ADARB2: variants seen among roughly 807,000 people sequenced by gnomAD.
ADARB2 encodes adenosine deaminase RNA specific B2 (inactive).
A neutral mutation model predicts 62.2 loss-of-function variants in ADARB2; 25 were observed. The observed-to-expected ratio is 0.40, with a 90% confidence interval of 0.29 to 0.56. ADARB2 has a LOEUF of 0.56. ADARB2 is among the 20% of genes least tolerant of loss of function. The probability of loss-of-function intolerance (pLI) is 0.43; values close to 1 mark genes in which losing one functional copy is unlikely to be tolerated. For synonymous variants in ADARB2, 572 were observed against 500.8 expected (o/e 1.14, Z -1.90); for missense variants, 1,071 against 1,077.4 (o/e 0.99, Z 0.08).
chr10:1,280,743 T>TGCTCCGTGAAATTCCTAAGTGAC (rs1195809302), intron 3 of ADARB2, among the ~76,000 whole-genome samples: 1 of 152,024 alleles, frequency 6.6e-6, no homozygotes, highest in Non-Finnish European at 1.5e-5. Context: ...TCCTAAGTGA[T>TGCTCCGTGAAATTCCTAAGTGAC]GCTCCGTGAA....
In ADARB2 at chr10:1,522,958, T is replaced by C. The variant is rs886293340; in HGVS notation, c.101-143798A>G. Among the ~76,000 whole-genome samples the C allele has an allele frequency of 1.7e-4, 26 of 152,148 alleles. 1 individual carries two copies. On this transcript the variant is annotated intron_variant, in intron 1 of 9. Transcript: ENST00000381312. ...CACCAGTGCGAGGATCACAATGTTA[T>C]TGCTTATAAAGCCCTTAAGCTCTCT... is the stretch of plus-strand genomic sequence containing the variant.
intron 7 of ADARB2, among the ~76,000 whole-genome samples, chr10:1,213,363 G>A (rs1330277036): frequency 6.6e-6 from 1 of 152,048 alleles, no homozygotes; most frequent in East Asian, 1.9e-4. Context: ...GGAGGGAGAA[G>A]AGATGATGGG....
chr10:1,310,088 CAA>C (rs1413407147), intron 3 of ADARB2, among the ~76,000 whole-genome samples: 2 of 152,186 alleles, frequency 1.3e-5, no homozygotes, highest in East Asian at 1.9e-4. Context: ...TTGATTTCAC[CAA>C]AGTCTCTATG....
chr10:1,189,828 A>G (rs1182970893), intron 8 of ADARB2, among the ~76,000 whole-genome samples: 23 of 82,676 alleles, frequency 2.8e-4, no homozygotes, highest in African/African-American at 9.3e-4. Context: ...CTTCCCCAGA[A>G]CACGTGGCGC....
At chr10:1,710,698 G>A (rs920666643) in intron 1 of ADARB2, among the ~76,000 whole-genome samples, 5 of 152,210 alleles carry the variant, frequency 3.3e-5, no homozygotes, top group African/African-American at 1.2e-4. Context: ...GAGGAATGCC[G>A]TTGGGCACCT....
chr10:1,185,167 C>A (rs1836735220), intron 8 of ADARB2, 128 bp from the exon 9 acceptor site: 1 of 1,243,858 alleles, frequency 8.0e-7, no homozygotes, highest in South Asian at 1.6e-5. Context: ...ATCCTCAGGA[C>A]TGGCCAGTTC....
chr10:1,588,747 C>G (rs1833211301), intron 1 of ADARB2, among the ~76,000 whole-genome samples: 1 of 152,224 alleles, frequency 6.6e-6, no homozygotes, highest in African/African-American at 2.4e-5. Flanking sequence ...GGTTCACACT[C>G]AATTCTGGAG....
intron 1 of ADARB2, among the ~76,000 whole-genome samples, chr10:1,681,254 T>C (rs560074436): frequency 2.0e-5 from 3 of 152,296 alleles, no homozygotes; most frequent in Admixed American, 2.0e-4. Context: ...TGAAATAATT[T>C]TTATGTCCAA....
At chr10:1,251,601 G>T (rs150966462) in intron 4 of ADARB2, among the ~76,000 whole-genome samples, 1 of 152,252 alleles carries the variant, frequency 6.6e-6, no homozygotes, top group African/African-American at 2.4e-5. Flanking sequence ...AAATAAAGAT[G>T]CATATGTCAT....
chr10:1,358,168 C>T (rs1265224267), intron 3 of ADARB2, among the ~76,000 whole-genome samples: 2 of 152,158 alleles, frequency 1.3e-5, no homozygotes, highest in Non-Finnish European at 2.9e-5. Flanking sequence ...GAAGCAATCC[C>T]AATAATTGGT....
intron 1 of ADARB2, among the ~76,000 whole-genome samples, chr10:1,444,352 TCCACTCAC>T (rs1830940793): frequency 2.3e-5 from 3 of 131,160 alleles, no homozygotes; most frequent in Admixed American, 7.6e-5. Context: ...CACTCACCCA[TCCACTCAC>T]CCATCCCATC....
chr10:1,437,781 G>A (rs1355762826), intron 1 of ADARB2, among the ~76,000 whole-genome samples: 1 of 152,162 alleles, frequency 6.6e-6, no homozygotes, highest in Non-Finnish European at 1.5e-5. Flanking sequence ...CTTCTTTGGA[G>A]GTGAAAAGTG....
chr10:1,631,699 T>C (rs1162865253), intron 1 of ADARB2, among the ~76,000 whole-genome samples: 2 of 152,182 alleles, frequency 1.3e-5, no homozygotes, highest in Non-Finnish European at 2.9e-5. Flanking sequence ...TGGGCTGCAG[T>C]GCAGGACCAA....
At chr10:1,495,483 G>T (rs1391443764) in intron 1 of ADARB2, among the ~76,000 whole-genome samples, 1 of 152,132 alleles carries the variant, frequency 6.6e-6, no homozygotes, top group Admixed American at 6.5e-5. Flanking sequence ...CTATGCAATG[G>T]GTTTAAACAT....
intron 1 of ADARB2, among the ~76,000 whole-genome samples, chr10:1,465,498 G>A (rs1482838164): frequency 1.3e-5 from 2 of 152,142 alleles, no homozygotes; most frequent in East Asian, 1.9e-4. Flanking sequence ...CTGTGTCCTT[G>A]GGGACCGTGA....
intron 1 of ADARB2, among the ~76,000 whole-genome samples, chr10:1,551,338 T>A (rs761093827): frequency 6.6e-6 from 1 of 152,112 alleles, no homozygotes; most frequent in Non-Finnish European, 1.5e-5. Context: ...CCAGGAAACT[T>A]ATAGGAGCCA....
At chr10:1,233,644 A>G (rs780770179) in intron 6 of ADARB2, 50 bp downstream of exon 6, 2 of 1,554,150 alleles carry the variant, frequency 1.3e-6, no homozygotes, top group Admixed American at 1.9e-5. Context: ...TCCCAGATAG[A>G]GGGAGCTGGG....
At chr10:1,357,795 G>A (rs944143761) in intron 3 of ADARB2, among the ~76,000 whole-genome samples, 4 of 152,286 alleles carry the variant, frequency 2.6e-5, no homozygotes, top group South Asian at 2.1e-4. Context: ...AGCATGGAGC[G>A]CGTACTCTAT....
chr10:1,223,826 C>G (rs552891809), intron 6 of ADARB2, among the ~76,000 whole-genome samples: 1 of 152,124 alleles, frequency 6.6e-6, no homozygotes, highest in Non-Finnish European at 1.5e-5. Flanking sequence ...TCGTTTTGCC[C>G]GTATTTTATT....
Sources: allele counts gnomAD v4.1 joint callset (sites outside exome capture counted in the v4.1 genomes callset), GRCh38; gene constraint gnomAD v4.1.1; transcripts MANE v1.5; gene names NCBI Gene and HGNC (gene_info 2026-07-23, HGNC 2026-07-21).